CORO2B: variants seen among roughly 807,000 people sequenced by gnomAD.
CORO2B encodes the protein coronin-2B.
In CORO2B, 26 loss-of-function variants were observed where a neutral mutation model predicts 58.8. The observed-to-expected ratio is 0.44, with a 90% CI of 0.32 to 0.61. CORO2B has a LOEUF of 0.61. Among genes scored for constraint, CORO2B ranks in the 20% least tolerant of loss-of-function variants. The pLI, the probability that CORO2B is intolerant of heterozygous loss-of-function variation, is 0.04. For synonymous variants in CORO2B, 242 were observed against 253.8 expected (o/e 0.95, Z 0.44); for missense variants, 460 against 645.1 (o/e 0.71, Z 3.11).
At chr15:68,624,527 G>A (rs1217331875) in intron 1 of CORO2B, among the ~76,000 whole-genome samples, 3 of 152,058 alleles carry the variant, frequency 2.0e-5, no homozygotes, top group South Asian at 2.1e-4. Context: ...AGGAACTACC[G>A]TCCCTTGGGC....
chr15:68,717,913 T>G (rs558734748), intron 8 of CORO2B, among the ~76,000 whole-genome samples: 1 of 152,308 alleles, frequency 6.6e-6, no homozygotes, highest in East Asian at 1.9e-4. Context: ...GAACATATTC[T>G]GCTGATCACC....
intron 3 of CORO2B, among the ~76,000 whole-genome samples, chr15:68,707,677 G>A (rs1873573): frequency 0.61 from 93,271 of 152,098 alleles, 31,502 homozygotes; most frequent in East Asian, 0.87. Context: ...AGAAAGAAGT[G>A]TGTGTGTCTA....
intron 1 of CORO2B, among the ~76,000 whole-genome samples, chr15:68,634,470 G>A (rs1457335137): frequency 2.0e-5 from 3 of 152,102 alleles, no homozygotes; most frequent in Non-Finnish European, 4.4e-5. Context: ...AACTATCCTA[G>A]GAAAAATATG....
At chr15:68,695,975 G>A (rs181510319) in intron 3 of CORO2B, among the ~76,000 whole-genome samples, 18 of 152,142 alleles carry the variant, frequency 1.2e-4, no homozygotes, top group South Asian at 4.2e-4. Context: ...GTGGGTTCAC[G>A]CCTGTAATCC....
chr15:68,706,472 G>A (rs1017708554), intron 3 of CORO2B, among the ~76,000 whole-genome samples: 1 of 152,204 alleles, frequency 6.6e-6, no homozygotes, highest in Non-Finnish European at 1.5e-5. Flanking sequence ...GGAGGCCCTC[G>A]GGAGGTGTTA....
the CORO2B span, among the ~76,000 whole-genome samples, chr15:68,522,728 T>C: frequency 6.6e-6 from 1 of 152,258 alleles, no homozygotes; most frequent in Non-Finnish European, 1.5e-5. Flanking sequence ...TAGATTGTTG[T>C]TCTCAAGCAA....
intron 1 of CORO2B, among the ~76,000 whole-genome samples, chr15:68,588,642 G>A (rs915408472): frequency 3.9e-5 from 6 of 152,176 alleles, no homozygotes; most frequent in Non-Finnish European, 7.3e-5. Context: ...GCTCAGACCT[G>A]CTTTTCCTTT....
chr15:68,725,773 A>G, intron 11 of CORO2B, 70 bp from the exon 12 acceptor site: 3 of 1,589,958 alleles, frequency 1.9e-6, no homozygotes, highest in Middle Eastern at 1.8e-4. Context: ...CTGGAGACTC[A>G]CCTGGGAAAT....
At chr15:68,620,325 TAGAA>T (rs1322214913) in intron 1 of CORO2B, among the ~76,000 whole-genome samples, 22 of 152,344 alleles carry the variant, frequency 1.4e-4, no homozygotes, top group African/African-American at 4.6e-4. Flanking sequence ...ATTTAAATGT[TAGAA>T]AGAGCCAATT....
chr15:68,543,569 A>G, the CORO2B span, among the ~76,000 whole-genome samples: 3 of 152,102 alleles, frequency 2.0e-5, no homozygotes, highest in Non-Finnish European at 4.4e-5. Context: ...GAGAATAACT[A>G]AAAAATGCAA....
At chr15:68,674,033 A>G (rs1175632978) in intron 2 of CORO2B, among the ~76,000 whole-genome samples, 1 of 152,084 alleles carries the variant, frequency 6.6e-6, no homozygotes, top group Non-Finnish European at 1.5e-5. Context: ...ATTATGAAGA[A>G]TTTTCTAAGT....
At chr15:68,646,319 T>TGGCTGA (rs1413265273) in intron 2 of CORO2B, among the ~76,000 whole-genome samples, 1 of 152,212 alleles carries the variant, frequency 6.6e-6, no homozygotes, top group African/African-American at 2.4e-5. Context: ...CACTTGTTTA[T>TGGCTGA]GGCTGAGTTC....
intron 11 of CORO2B, among the ~76,000 whole-genome samples, chr15:68,721,397 T>C (rs1425160003): frequency 6.6e-6 from 1 of 152,078 alleles, no homozygotes; most frequent in Admixed American, 6.6e-5. Flanking sequence ...TGGGTGGCAG[T>C]AGAGGCGAAG....
intron 2 of CORO2B, among the ~76,000 whole-genome samples, chr15:68,646,277 C>T (rs371138812): frequency 2.1e-4 from 32 of 152,300 alleles, no homozygotes; most frequent in African/African-American, 7.7e-4. Context: ...TGGGAGGTCA[C>T]GCGCTTCAGG....
chr15:68,695,650 A>G (rs1892493050), intron 3 of CORO2B, among the ~76,000 whole-genome samples: 1 of 152,214 alleles, frequency 6.6e-6, no homozygotes, highest in Non-Finnish European at 1.5e-5. Flanking sequence ...TGTTCTTTGC[A>G]GGCTGGGCAG....
the CORO2B span, among the ~76,000 whole-genome samples, chr15:68,563,950 A>G: frequency 4.6e-5 from 7 of 152,222 alleles, no homozygotes; most frequent in African/African-American, 1.7e-4. Context: ...AAGAATCAAA[A>G]CCAATTCTTC....
chr15:68,582,077 C>G (rs1364908405), intron 1 of CORO2B, among the ~76,000 whole-genome samples: 4 of 152,086 alleles, frequency 2.6e-5, no homozygotes, highest in African/African-American at 9.7e-5. Flanking sequence ...AGGAGGTGAG[C>G]CTGTTTTCCA....
upstream of CORO2B, among the ~76,000 whole-genome samples, chr15:68,577,546 A>AC (rs1157437596): frequency 2.0e-5 from 3 of 151,600 alleles, no homozygotes; most frequent in East Asian, 1.9e-4. Context: ...ATACGGTGAA[A>AC]CCCCGTCTCT....
At chr15:68,689,750 A>G (rs1027718132) in intron 2 of CORO2B, among the ~76,000 whole-genome samples, 1 of 152,206 alleles carries the variant, frequency 6.6e-6, no homozygotes, top group African/African-American at 2.4e-5. Flanking sequence ...AAAATTTACA[A>G]TCAGCTTCCT....
Sources: gnomAD v4.1 joint callset for allele counts (sites outside exome capture counted in the v4.1 genomes callset) on GRCh38, gnomAD v4.1.1 for gene constraint, MANE v1.5 for transcripts, NCBI Gene and HGNC (gene_info 2026-07-23, HGNC 2026-07-21) for gene names.